SLC16A4: variants seen among roughly 807,000 people sequenced by gnomAD.
SLC16A4 encodes solute carrier family 16 member 4.
A neutral mutation model predicts 47.9 loss-of-function variants in SLC16A4; 39 were observed. That is an observed-to-expected ratio of 0.81 (90% CI 0.63 to 1.06). The LOEUF is 1.06. SLC16A4 is among the 50% of genes least tolerant of loss of function. The probability of loss-of-function intolerance (pLI) is 0.00; values close to 1 mark genes in which losing one functional copy is unlikely to be tolerated. For synonymous variants in SLC16A4, 189 were observed against 199.9 expected, an observed-to-expected ratio of 0.95 and a Z score of 0.46; for missense variants, 524 against 573.8, an observed-to-expected ratio of 0.91 and a Z score of 0.89.
At chr1:110,381,992 A>T (rs147515003) in intron 3 of SLC16A4, among the ~76,000 whole-genome samples, 197 bp from the exon 4 acceptor site, 1 of 152,038 alleles carries the variant, frequency 6.6e-6, no homozygotes, top group African/African-American at 2.4e-5. Context: ...TTGGAAGGGG[A>T]GTTTAAAAGG....
intron 6 of SLC16A4, among the ~76,000 whole-genome samples, 168 bp downstream of exon 6, chr1:110,378,685 T>G (rs1304413284): frequency 1.3e-5 from 2 of 152,210 alleles, no homozygotes; most frequent in African/African-American, 2.4e-5. Context: ...CAGAGATCTC[T>G]TCCTGGGAAA....
chr1:110,374,484 A>C (rs1570637724), intron 8 of SLC16A4, among the ~76,000 whole-genome samples: 1 of 152,368 alleles, frequency 6.6e-6, no homozygotes, highest in East Asian at 1.9e-4. Flanking sequence ...AAGTTCCTTT[A>C]TGTGGATGAT....
intron 2 of SLC16A4, among the ~76,000 whole-genome samples, chr1:110,386,058 T>C (rs2101071371): frequency 6.6e-6 from 1 of 152,366 alleles, no homozygotes; most frequent in South Asian, 2.1e-4. Context: ...TGTGCTGGTG[T>C]CTAGAGGATG....
rs759442291 is a variant in SLC16A4, at chr1:110,377,084, TGTG to T, written c.1105_1107del (p.His369del). 10 of 1,614,110 alleles carry T rather than the reference TGTG, an allele frequency of 6.2e-6. No individual in the cohort carries two copies. Among genetic ancestry groups the T allele is most frequent in the Non-Finnish European group, 1.7e-6 (2 of 1,180,008 alleles). On this transcript the variant is annotated inframe_deletion, in exon 7 of 9. Coordinates refer to ENST00000369779, the MANE Select transcript of SLC16A4 (RefSeq NM_004696.3). ...ATGCCGCAGAGGATGAGGTAAGACT[TGTG>T]GTAATGATACTTCTTAATCCAGTTT...
At position 110,364,013 on chromosome 1, in the gene SLC16A4, G is replaced by A. The variant is rs578118964; in HGVS notation, c.1337-120C>T. 1,209 of 969,474 alleles carry A rather than the reference G, an allele frequency of 1.2e-3. 3 individuals are homozygous for A. Among genetic ancestry groups the A allele is most frequent in the Middle Eastern group, 1.6e-3 (7 of 4,454 alleles). The allele number at this position is 969,474 out of a possible 1,614,324, so 60.1% of individuals were successfully genotyped here. ...TTGTGACCCATTTGAACTTAGTGAA[G>A]CTTCTTAGCTGCCCTATTTTTCACT... On this transcript the variant is annotated intron_variant, in intron 8 of 8. Transcript: ENST00000369779.
chr1:110,386,289 C>T (rs1284672058), intron 2 of SLC16A4, among the ~76,000 whole-genome samples: 1 of 152,218 alleles, frequency 6.6e-6, no homozygotes, highest in Non-Finnish European at 1.5e-5. Context: ...AGTCTTCCAA[C>T]TTTGTTTCAG....
chr1:110,383,093 C>T, intron 2 of SLC16A4, 127 bp from the exon 3 acceptor site: 1 of 742,982 alleles, frequency 1.3e-6, no homozygotes, highest in Non-Finnish European at 2.1e-6. Context: ...TTGGTTGAGC[C>T]TCATTATACA....
chr1:110,376,942 C>A lies in SLC16A4; in HGVS notation c.1242+8G>T. On this transcript the variant is annotated splice_region_variant and intron_variant, in intron 7 of 8. Transcript: ENST00000369779. ...GGTTTAACAATGTTAATGAGTGTGT[C>A]TACTCACCAGTACAGGCAGTATCAA... 1 of 1,609,556 alleles carries A rather than the reference C, an allele frequency of 6.2e-7. No homozygotes were observed. The highest frequency in any genetic ancestry group is 1.1e-5 in the South Asian group (1 of 90,706).
At chr1:110,366,137 TTCTC>T (rs1423456527) in intron 8 of SLC16A4, among the ~76,000 whole-genome samples, 3 of 115,480 alleles carry the variant, frequency 2.6e-5, no homozygotes, top group Admixed American at 8.5e-5. Context: ...CACACACTCT[TTCTC>T]TCTCTCTCAC....
chr1:110,383,436 G>T (rs1413510971), intron 2 of SLC16A4, among the ~76,000 whole-genome samples: 1 of 152,140 alleles, frequency 6.6e-6, no homozygotes, highest in Non-Finnish European at 1.5e-5. Flanking sequence ...CAGTGAGTTG[G>T]GAGTGCTGAT....
Position 110,379,254 on chromosome 1 carries a change from T to C in SLC16A4, c.629A>G (p.Asp210Gly). ...ATGTGCAGACAAACTGCTGCCTTTATCTTTAATACCAGAATTGTTCTCACT... is the reference window on the plus strand; with the variant it reads ...ATGTGCAGACAAACTGCTGCCTTTACCTTTAATACCAGAATTGTTCTCACT... ...IKSENNSGIK[D>G]KGSSLSAHGP... is the part of the protein sequence containing the mutation. The change falls in exon 6 of 9, where the codon GAT becomes GGT. Residue 210 changes from aspartate (D) to glycine (G), a missense_variant. Transcript: ENST00000369779. 1 of 1,614,188 alleles carries C rather than the reference T, an allele frequency of 6.2e-7. No homozygotes were observed. Among genetic ancestry groups the C allele is most frequent in the Non-Finnish European group, 8.5e-7 (1 of 1,180,010 alleles).
intron 7 of SLC16A4, 96 bp from the exon 8 acceptor site, chr1:110,375,647 G>T: frequency 1.5e-6 from 1 of 686,360 alleles, no homozygotes; most frequent in Non-Finnish European, 2.6e-6. Context: ...ATCATCTCAA[G>T]CTATGAACAG....
At chr1:110,381,881 G>A in intron 3 of SLC16A4, 86 bp from the exon 4 acceptor site, 2 of 1,263,812 alleles carry the variant, frequency 1.6e-6, no homozygotes, top group Non-Finnish European at 1.1e-6. Flanking sequence ...TGAATGACAA[G>A]GAAAGCAAGA....
At chr1:110,371,916 A>G (rs1299810062) in intron 8 of SLC16A4, 2 of 152,036 alleles carry the variant, frequency 1.3e-5, no homozygotes, top group Non-Finnish European at 2.9e-5. Context: ...CATCCTTTCA[A>G]TCTCTCAGTT....
rs1465336984 is a variant in SLC16A4 at position 110,389,336 on chromosome 1, A to G, written c.-13T>C. The G allele has an allele frequency of 1.9e-6, 3 of 1,581,878 alleles. No homozygotes were observed. The highest frequency in any genetic ancestry group is 2.6e-6 in the Non-Finnish European group (3 of 1,150,676). ...CCCTCTTCAGCATGATGCCTCTTCT[A>G]TTTTAAATGCAGAAGATCCCTGTGA... On this transcript the variant is annotated 5_prime_UTR_variant, in exon 2 of 9. Transcript: ENST00000369779.
In SLC16A4 at chr1:110,381,159, A is replaced by C; in HGVS notation, c.365-16T>G. On this transcript the variant is annotated splice_polypyrimidine_tract_variant and intron_variant, in intron 4 of 8. Coordinates refer to ENST00000369779, the MANE Select transcript of SLC16A4 (RefSeq NM_004696.3). ...GAACCCAAACCTAAAAGAAAAACGTAATAGTTTAGAATCACTCTTACATTA... is the reference window on the plus strand; with the variant it reads ...GAACCCAAACCTAAAAGAAAAACGTCATAGTTTAGAATCACTCTTACATTA... The C allele has an allele frequency of 6.2e-7, 1 of 1,611,112 alleles. No individual in the cohort carries two copies. The highest frequency in any genetic ancestry group is 8.5e-7 in the Non-Finnish European group (1 of 1,177,732).
At chr1:110,384,721 A>G (rs1662636544) in intron 2 of SLC16A4, among the ~76,000 whole-genome samples, 1 of 152,192 alleles carries the variant, frequency 6.6e-6, no homozygotes, top group Non-Finnish European at 1.5e-5. Context: ...CTTATGAACC[A>G]CAAAACCAGC....
chr1:110,386,928 G>A (rs1468760849), intron 2 of SLC16A4, among the ~76,000 whole-genome samples: 2 of 152,176 alleles, frequency 1.3e-5, no homozygotes, highest in Non-Finnish European at 2.9e-5. Context: ...AACCAATAGA[G>A]TCTTGTTATT....
chr1:110,390,603 T>C (rs1255437117), intron 1 of SLC16A4, among the ~76,000 whole-genome samples: 3 of 152,230 alleles, frequency 2.0e-5, no homozygotes. Context: ...CATGACACTA[T>C]GCTACCTTCT....
Sources: allele counts gnomAD v4.1 joint callset (sites outside exome capture counted in the v4.1 genomes callset), GRCh38; gene constraint gnomAD v4.1.1; transcripts MANE v1.5; gene names NCBI Gene and HGNC (gene_info 2026-07-23, HGNC 2026-07-21).